The following NKAIN3 variants were observed in gnomAD, a reference collection of about 807,000 sequenced individuals.
The protein encoded by NKAIN3 is sodium/potassium transporting ATPase interacting 3, also known as sodium/potassium-transporting ATPase subunit beta-1-interacting protein 3.
A neutral mutation model predicts 30.2 loss-of-function variants in NKAIN3; 25 were observed. The observed-to-expected ratio is 0.83, with a 90% CI of 0.60 to 1.16. The LOEUF (loss-of-function observed/expected upper bound fraction) is 1.16, where lower values mean the gene tolerates loss of function less well. Among genes scored for constraint, NKAIN3 ranks in the 50% most tolerant of loss-of-function variants. The pLI is 0.00. For missense variants in NKAIN3, 225 were observed against 254.1 expected, an observed-to-expected ratio of 0.89 and a Z score of 0.78; for synonymous variants, 91 against 89.6, an observed-to-expected ratio of 1.02 and a Z score of -0.09.
At chr8:62,788,046 TAC>T in intron 4 of NKAIN3, among the ~76,000 whole-genome samples, 4 of 138,996 alleles carry the variant, frequency 2.9e-5, no homozygotes, top group Non-Finnish European at 6.3e-5. Context: ...TATTTGGGTA[TAC>T]ACCCAGTAAT....
In NKAIN3 at chr8:62,836,342, T is replaced by A. The variant is rs759788633; in HGVS notation, c.472-82111T>A. Among the ~76,000 whole-genome samples the A allele has an allele frequency of 3.6e-4, 55 of 152,100 alleles. 1 individual carries two copies. The highest frequency in any genetic ancestry group is 6.9e-4 in the Non-Finnish European group (47 of 67,972). On this transcript the variant is annotated intron_variant, in intron 4 of 6. Coordinates refer to ENST00000623646, the MANE Select transcript of NKAIN3 (RefSeq NM_001304533.3). ...TCTTAATAAAAGTTGAAATTATTTT[T>A]AAAAAAATTTCCACTCAAACCCCAC...
At chr8:62,447,004 A>G (rs1265878094) in intron 1 of NKAIN3, among the ~76,000 whole-genome samples, 1 of 152,096 alleles carries the variant, frequency 6.6e-6, no homozygotes, top group Non-Finnish European at 1.5e-5. Flanking sequence ...CTAATAAGAC[A>G]TTAGAAATCT....
intron 1 of NKAIN3, among the ~76,000 whole-genome samples, chr8:62,534,250 G>A (rs969413601): frequency 2.0e-5 from 3 of 152,088 alleles, no homozygotes; most frequent in Non-Finnish European, 2.9e-5. Flanking sequence ...GACCACACGT[G>A]GGAAAAGTTG....
At chr8:62,943,359 G>A (rs1327856249) in intron 5 of NKAIN3, among the ~76,000 whole-genome samples, 1 of 152,152 alleles carries the variant, frequency 6.6e-6, no homozygotes, top group Non-Finnish European at 1.5e-5. Flanking sequence ...ACTCTTGCAA[G>A]AATGGTCATA....
intron 1 of NKAIN3, among the ~76,000 whole-genome samples, chr8:62,370,238 A>T (rs564881909): frequency 1.3e-5 from 2 of 152,040 alleles, no homozygotes; most frequent in Non-Finnish European, 2.9e-5. Flanking sequence ...AACTTAAAAA[A>T]ATGTATAATT....
chr8:62,805,291 GA>G (rs1225727262), intron 4 of NKAIN3, among the ~76,000 whole-genome samples: 4 of 151,646 alleles, frequency 2.6e-5, no homozygotes, highest in Non-Finnish European at 5.9e-5. Context: ...CACAGAATTG[GA>G]AAAAACTACT....
At position 62,966,962 on chromosome 8, in the gene NKAIN3, G is replaced by A. The variant is rs190599108; in HGVS notation, c.*1555G>A. 1.1e-3 allele frequency among the ~76,000 whole-genome samples: 175 copies of A among 152,270 alleles called. No homozygotes were observed. The highest frequency in any genetic ancestry group is 4.2e-3 in the African/African-American group (173 of 41,546). ...ATCAGAGTTTAATGTGACAAAGTTTGCCTTCATTCCTCCAAGCTCATCACA... is the reference window on the plus strand; with the variant it reads ...ATCAGAGTTTAATGTGACAAAGTTTACCTTCATTCCTCCAAGCTCATCACA... On this transcript the variant is annotated 3_prime_UTR_variant, in exon 7 of 7. Transcript: ENST00000623646.
chr8:62,527,827 CT>C (rs1808353084), intron 1 of NKAIN3, among the ~76,000 whole-genome samples: 1 of 150,334 alleles, frequency 6.7e-6, no homozygotes, highest in East Asian at 2.0e-4. Flanking sequence ...TGACTTGTGA[CT>C]TAATAATATC....
intron 1 of NKAIN3, among the ~76,000 whole-genome samples, chr8:62,314,368 C>G (rs1376399160): frequency 6.6e-6 from 1 of 152,108 alleles, no homozygotes; most frequent in Non-Finnish European, 1.5e-5. Flanking sequence ...GTGCCATTGT[C>G]CAAAATTCTG....
intron 1 of NKAIN3, among the ~76,000 whole-genome samples, chr8:62,348,034 ATTGTT>A (rs1210912255): frequency 6.6e-6 from 1 of 151,796 alleles, no homozygotes; most frequent in Non-Finnish European, 1.5e-5. Flanking sequence ...TTGTTTTTTT[ATTGTT>A]TTATTTATTA....
intron 1 of NKAIN3, among the ~76,000 whole-genome samples, chr8:62,457,024 G>T (rs1484498594): frequency 1.3e-5 from 2 of 152,122 alleles, no homozygotes; most frequent in African/African-American, 4.8e-5. Flanking sequence ...GAAAGTGCTG[G>T]GTTTTTCATT....
At chr8:62,996,301 T>A (rs533084219) in intron 5 of NKAIN3, among the ~76,000 whole-genome samples, 1 of 150,482 alleles carries the variant, frequency 6.6e-6, no homozygotes, top group African/African-American at 2.4e-5. Flanking sequence ...AGGGGAAAGC[T>A]GCCCCTTTTA....
rs1824033553 is a variant in NKAIN3 at position 62,979,809 on chromosome 8, C to T, written c.*14402C>T. 6.6e-6 allele frequency: 1 copy of T among 152,240 alleles called. No individual in the cohort carries two copies. 9.4% of individuals were successfully genotyped at this position (152,240 alleles called of 1,614,324 possible). On this transcript the variant is annotated 3_prime_UTR_variant, in exon 7 of 7. Transcript: ENST00000623646. Reference sequence around the variant, plus strand: ...TAGACAAGGGCTTTGTTGTTGACTACAATTCAATGCCTTTTTTGCCTGCGT... The same window carrying T: ...TAGACAAGGGCTTTGTTGTTGACTATAATTCAATGCCTTTTTTGCCTGCGT...
intron 1 of NKAIN3, among the ~76,000 whole-genome samples, chr8:62,523,572 G>A: frequency 6.6e-6 from 1 of 152,104 alleles, no homozygotes. Context: ...GGGTTTCACT[G>A]TTGTATACCA....
chr8:62,787,784 G>GT (rs1413782442), intron 4 of NKAIN3, among the ~76,000 whole-genome samples: 6 of 151,968 alleles, frequency 3.9e-5, no homozygotes, highest in African/African-American at 4.8e-5. Context: ...GTGGTGTTTG[G>GT]TTTTTTGTCC....
chr8:62,505,779 C>G (rs1384479024), intron 1 of NKAIN3, among the ~76,000 whole-genome samples: 1 of 152,020 alleles, frequency 6.6e-6, no homozygotes, highest in Non-Finnish European at 1.5e-5. Flanking sequence ...TTTCCCATTG[C>G]TGCTACAACA....
chr8:62,513,482 T>G (rs1321869069), intron 1 of NKAIN3, among the ~76,000 whole-genome samples: 2 of 152,100 alleles, frequency 1.3e-5, no homozygotes, highest in Non-Finnish European at 2.9e-5. Flanking sequence ...AAAGGCCTCC[T>G]CCAGGAAGTG....
At position 62,970,478 on chromosome 8, in the gene NKAIN3, T is replaced by C. The variant is rs889588992; in HGVS notation, c.*5071T>C. Among the ~76,000 whole-genome samples, 1 of 149,716 alleles carries C rather than the reference T, an allele frequency of 6.7e-6. No individual in the cohort carries two copies. Among genetic ancestry groups the C allele is most frequent in the Non-Finnish European group, 1.5e-5 (1 of 67,234 alleles). ...AAAACTTGAATCATCTTTCTTGAAC[T>C]TGCATTCAAATAAAGGGTAAAAATC... On this transcript the variant is annotated 3_prime_UTR_variant, in exon 7 of 7. Transcript: ENST00000623646.
At chr8:62,608,865 T>C (rs1461382124) in intron 3 of NKAIN3, among the ~76,000 whole-genome samples, 2 of 152,116 alleles carry the variant, frequency 1.3e-5, no homozygotes, top group Non-Finnish European at 2.9e-5. Context: ...TACACTTTCA[T>C]AGGGGGAAAA....
Sources: gnomAD v4.1 joint callset for allele counts (sites outside exome capture counted in the v4.1 genomes callset) on GRCh38, gnomAD v4.1.1 for gene constraint, MANE v1.5 for transcripts, NCBI Gene and HGNC (gene_info 2026-07-23, HGNC 2026-07-21) for gene names.